Variants in NRXN3 observed in about 807,000 individuals in gnomAD.
The protein encoded by NRXN3 is neurexin III.
A neutral mutation model predicts 137.6 loss-of-function variants in NRXN3; 32 were observed. The observed-to-expected ratio is 0.23, with a 90% confidence interval of 0.18 to 0.31. The LOEUF (loss-of-function observed/expected upper bound fraction) is 0.31. NRXN3 is among the 10% of genes least tolerant of loss of function. The pLI, the probability that NRXN3 is intolerant of heterozygous loss-of-function variation, is 1.00. For synonymous variants in NRXN3, 798 were observed against 784.5 expected, an observed-to-expected ratio of 1.02 and a Z score of -0.29; for missense variants, 1,574 against 2,062.5, an observed-to-expected ratio of 0.76 and a Z score of 4.59.
intron 3 of NRXN3, among the ~76,000 whole-genome samples, chr14:78,280,046 G>A (rs1224898872): frequency 6.6e-6 from 1 of 152,120 alleles, no homozygotes; most frequent in East Asian, 1.9e-4. Context: ...GCATTTCCTA[G>A]GAAGATGCCA....
intron 4 of NRXN3, among the ~76,000 whole-genome samples, chr14:78,498,550 TG>T (rs2095827552): frequency 6.6e-6 from 1 of 152,036 alleles, no homozygotes; most frequent in South Asian, 2.1e-4. Flanking sequence ...AACACCTGGT[TG>T]GGGGTAGGGA....
intron 15 of NRXN3, among the ~76,000 whole-genome samples, chr14:79,265,232 T>TA (rs1491430297): frequency 1.1e-5 from 1 of 88,162 alleles, no homozygotes; most frequent in Non-Finnish European, 2.2e-5. Flanking sequence ...GGGGTTGCTC[T>TA]TTTTTTTTTT....
chr14:79,352,717 C>T (rs2093268859), intron 15 of NRXN3, among the ~76,000 whole-genome samples: 2 of 152,102 alleles, frequency 1.3e-5, no homozygotes, highest in Admixed American at 1.3e-4. Flanking sequence ...TAACTCTGAT[C>T]CATGAACTCT....
At chr14:78,401,792 T>G (rs1178252670) in intron 4 of NRXN3, among the ~76,000 whole-genome samples, 24 of 152,192 alleles carry the variant, frequency 1.6e-4, no homozygotes, top group Admixed American at 1.6e-3. Context: ...ATACTTAACT[T>G]CTTGATCTAA....
At position 79,057,871 on chromosome 14, in the gene NRXN3, A is replaced by T. The variant is rs538678505; in HGVS notation, c.3262+69730A>T. ...GCCATTCCAAGGATGAGACGAGGTT[A>T]AAAAAAAGGCTTTACTCATTTTTTT... On this transcript the variant is annotated intron_variant, in intron 15 of 20. Coordinates refer to ENST00000335750, the MANE Select transcript of NRXN3 (RefSeq NM_001330195.2). 2.6e-5 allele frequency among the ~76,000 whole-genome samples: 4 copies of T among 152,024 alleles called. No homozygotes were observed. In the South Asian group the frequency reaches 8.3e-4, roughly 32 times the overall value.
At chr14:78,400,694 G>A (rs970014361) in intron 4 of NRXN3, among the ~76,000 whole-genome samples, 2 of 152,146 alleles carry the variant, frequency 1.3e-5, no homozygotes, top group South Asian at 2.1e-4. Context: ...GTATGTAATT[G>A]ATGGTCTCTG....
At chr14:78,291,487 A>G (rs1336187769) in intron 3 of NRXN3, among the ~76,000 whole-genome samples, 1 of 152,142 alleles carries the variant, frequency 6.6e-6, no homozygotes, top group Non-Finnish European at 1.5e-5. Flanking sequence ...TTCCCAGGTC[A>G]TTTTTGGGAG....
intron 17 of NRXN3, among the ~76,000 whole-genome samples, chr14:79,670,321 T>C (rs942703345): frequency 1.3e-5 from 2 of 152,036 alleles, no homozygotes; most frequent in South Asian, 4.1e-4. Context: ...TCCAAGCAGC[T>C]GTTGGAGAGT....
intron 2 of NRXN3, among the ~76,000 whole-genome samples, chr14:78,252,616 G>A (rs1264810023): frequency 2.0e-5 from 3 of 152,136 alleles, no homozygotes; most frequent in East Asian, 1.9e-4. Context: ...CTGTTTGCCC[G>A]TGTGAAGTCC....
chr14:78,918,046 G>T (rs144924963), intron 10 of NRXN3, among the ~76,000 whole-genome samples: 2,646 of 149,712 alleles, frequency 0.018, 42 homozygotes, highest in East Asian at 0.057. Flanking sequence ...AGCACTTTGG[G>T]AGGCCAAGGC....
chr14:79,768,191 G>C (rs1366560127), intron 19 of NRXN3, among the ~76,000 whole-genome samples: 4 of 152,208 alleles, frequency 2.6e-5, no homozygotes, highest in African/African-American at 9.6e-5. Context: ...CAGCCAGACT[G>C]GGGGAGGGGC....
chr14:78,961,567 A>T (rs946605373), intron 11 of NRXN3, among the ~76,000 whole-genome samples: 2 of 152,228 alleles, frequency 1.3e-5, no homozygotes, highest in Non-Finnish European at 2.9e-5. Flanking sequence ...CATAATTAGT[A>T]ATAGCGCACG....
chr14:78,261,355 T>A (rs1282720364), intron 2 of NRXN3, among the ~76,000 whole-genome samples: 1 of 152,190 alleles, frequency 6.6e-6, no homozygotes, highest in Non-Finnish European at 1.5e-5. Flanking sequence ...AAGAGAAACA[T>A]ACAAGCTGCC....
intron 10 of NRXN3, among the ~76,000 whole-genome samples, chr14:78,811,220 G>A (rs1394180566): frequency 1.3e-5 from 2 of 152,138 alleles, no homozygotes; most frequent in Admixed American, 1.3e-4. Context: ...ACAAAAGAAG[G>A]TTTTATTTCT....
At chr14:79,018,363 A>G (rs1276304527) in intron 15 of NRXN3, among the ~76,000 whole-genome samples, 4 of 151,088 alleles carry the variant, frequency 2.6e-5, no homozygotes, top group Non-Finnish European at 5.9e-5. Flanking sequence ...AAACTCAAGG[A>G]ACCTTTGATG....
intron 15 of NRXN3, among the ~76,000 whole-genome samples, chr14:79,169,091 G>T (rs1247352103): frequency 6.6e-6 from 1 of 152,056 alleles, no homozygotes; most frequent in Non-Finnish European, 1.5e-5. Flanking sequence ...GGTTACAGAT[G>T]CTCCCTTCCA....
intron 4 of NRXN3, among the ~76,000 whole-genome samples, chr14:78,466,188 CA>C (rs2095101779): frequency 6.6e-6 from 1 of 152,072 alleles, no homozygotes; most frequent in South Asian, 2.1e-4. Flanking sequence ...AACAAACAGA[CA>C]AACAACAACA....
intron 1 of NRXN3, among the ~76,000 whole-genome samples, chr14:78,217,499 C>T (rs60041510): frequency 0.015 from 2,254 of 152,180 alleles, 67 homozygotes; most frequent in African/African-American, 0.052. Flanking sequence ...ATGTTAATAG[C>T]ACTCAGGTTG....
intron 16 of NRXN3, among the ~76,000 whole-genome samples, chr14:79,497,916 C>T (rs979775421): frequency 1.3e-5 from 2 of 152,040 alleles, no homozygotes; most frequent in African/African-American, 2.4e-5. Flanking sequence ...CCCCTGTAGT[C>T]CCAGCTACTT....
Sources: allele counts gnomAD v4.1 joint callset (sites outside exome capture counted in the v4.1 genomes callset), GRCh38; gene constraint gnomAD v4.1.1; transcripts MANE v1.5; gene names NCBI Gene and HGNC (gene_info 2026-07-23, HGNC 2026-07-21).